The following C1QTNF7 variants were observed in gnomAD, a reference collection of about 807,000 sequenced individuals.
C1QTNF7 encodes the protein complement C1q tumor necrosis factor-related protein 7.
C1QTNF7 carries 15 observed loss-of-function variants against 19.6 expected under a neutral mutation model. The ratio of observed to expected loss-of-function variants is 0.76; its 90% confidence interval spans 0.51 to 1.18. The LOEUF (loss-of-function observed/expected upper bound fraction) is 1.18, where lower values mean the gene tolerates loss of function less well. C1QTNF7 is among the 50% of genes most tolerant of loss of function. The pLI is 0.00. For synonymous variants in C1QTNF7, 142 were observed against 137.5 expected (o/e 1.03, Z -0.23); for missense variants, 324 against 359.7 (o/e 0.90, Z 0.80).
At chr4:15,412,279 A>G (rs966505917) in intron 1 of C1QTNF7, among the ~76,000 whole-genome samples, 5 of 152,200 alleles carry the variant, frequency 3.3e-5, no homozygotes, top group African/African-American at 9.7e-5. Context: ...AAAGTGCACA[A>G]TAAATGTAAT....
intron 1 of C1QTNF7, among the ~76,000 whole-genome samples, chr4:15,410,673 A>G (rs996844424): frequency 2.0e-5 from 3 of 152,202 alleles, no homozygotes; most frequent in Non-Finnish European, 4.4e-5. Context: ...GATTCACACA[A>G]TTGGCTAGCC....
chr4:15,436,802 G>T (rs1395676270), intron 2 of C1QTNF7, among the ~76,000 whole-genome samples: 1 of 152,188 alleles, frequency 6.6e-6, no homozygotes, highest in East Asian at 1.9e-4. Context: ...AAGACAAGTT[G>T]CTGAGCATAA....
At chr4:15,349,049 C>G (rs1364799537) in intron 1 of C1QTNF7, among the ~76,000 whole-genome samples, 1 of 152,174 alleles carries the variant, frequency 6.6e-6, no homozygotes, top group Non-Finnish European at 1.5e-5. Context: ...CAAAGCCCAC[C>G]ATCGGTTAGA....
rs760065898 is a variant in C1QTNF7, at chr4:15,435,879, C to G, written c.136C>G (p.Pro46Ala). 1.2e-5 allele frequency: 20 copies of G among 1,613,990 alleles called. No homozygotes were observed. The highest frequency in any genetic ancestry group is 1.6e-5 in the Non-Finnish European group (19 of 1,180,036). ...IPGLPGPPGPPGANGSPGPHG... is the reference protein window; with the variant it reads ...IPGLPGPPGPAGANGSPGPHG... ...TGGCTTGCCTGGACCTCCAGGGCCC[C>G]CTGGAGCAAATGGTTCCCCTGGGCC... The change falls in exon 2 of 3, where the codon CCT becomes GCT. Residue 46 changes from proline to alanine, a missense_variant. By Grantham distance (27) the Pro-to-Ala change is conservative. Coordinates refer to ENST00000444304, the MANE Select transcript of C1QTNF7 (RefSeq NM_031911.5).
At chr4:15,355,631 G>A (rs1166496169) in intron 1 of C1QTNF7, among the ~76,000 whole-genome samples, 1 of 151,984 alleles carries the variant, frequency 6.6e-6, no homozygotes, top group Non-Finnish European at 1.5e-5. Context: ...TTAAAGGGAT[G>A]GTAGGAGTTA....
intron 1 of C1QTNF7, among the ~76,000 whole-genome samples, chr4:15,429,236 A>T (rs1357812328): frequency 6.6e-6 from 1 of 152,198 alleles, no homozygotes; most frequent in Non-Finnish European, 1.5e-5. Context: ...AAATATACAT[A>T]TCATAAAATT....
chr4:15,400,805 G>C (rs915021763), intron 1 of C1QTNF7, among the ~76,000 whole-genome samples: 3 of 152,172 alleles, frequency 2.0e-5, no homozygotes, highest in African/African-American at 7.2e-5. Context: ...AAATACAAAA[G>C]CCTTTATGTT....
intron 1 of C1QTNF7, among the ~76,000 whole-genome samples, chr4:15,407,251 A>C (rs946729468): frequency 2.0e-5 from 3 of 152,212 alleles, no homozygotes; most frequent in African/African-American, 7.2e-5. Context: ...CTATGGACCT[A>C]GGAAATAGCC....
upstream of C1QTNF7, chr4:15,339,935 T>C (rs111510213): frequency 2.6e-4 from 150 of 578,156 alleles, 2 homozygotes; most frequent in African/African-American, 2.2e-3. Context: ...GGCAAGTCCC[T>C]GGGAGAAGGA....
At chr4:15,345,440 C>T (rs1716683944) in intron 1 of C1QTNF7, among the ~76,000 whole-genome samples, 2 of 152,186 alleles carry the variant, frequency 1.3e-5, no homozygotes, top group Non-Finnish European at 2.9e-5. Flanking sequence ...TGCACCGACC[C>T]CCAGTCTTTC....
chr4:15,401,858 C>A (rs1385270736), intron 1 of C1QTNF7, among the ~76,000 whole-genome samples: 1 of 151,792 alleles, frequency 6.6e-6, no homozygotes, highest in Non-Finnish European at 1.5e-5. Flanking sequence ...AGATACCACA[C>A]GAAATGAGAA....
chr4:15,392,215 C>T (rs1201694145), intron 1 of C1QTNF7, among the ~76,000 whole-genome samples: 2 of 152,134 alleles, frequency 1.3e-5, no homozygotes, highest in East Asian at 1.9e-4. Context: ...ATCCAGGTAT[C>T]GAGAAAAGAG....
At chr4:15,425,449 T>C (rs1308658956), upstream of C1QTNF7, among the ~76,000 whole-genome samples, 3 of 152,114 alleles carry the variant, frequency 2.0e-5, no homozygotes, top group African/African-American at 7.2e-5. Flanking sequence ...ACATGGTTGG[T>C]AATGGCTTGC....
At chr4:15,340,973 G>A (rs904117205) in intron 1 of C1QTNF7, among the ~76,000 whole-genome samples, 2 of 152,138 alleles carry the variant, frequency 1.3e-5, no homozygotes, top group East Asian at 3.9e-4. Context: ...TGAGGTGGAG[G>A]GGCATATAAA....
At chr4:15,429,461 A>G (rs1054014428) in intron 1 of C1QTNF7, among the ~76,000 whole-genome samples, 3 of 152,204 alleles carry the variant, frequency 2.0e-5, no homozygotes, top group Non-Finnish European at 4.4e-5. Flanking sequence ...TACTCTAGGA[A>G]CTTTGTGTAA....
rs141621236 is a variant in C1QTNF7 at position 15,388,732 on chromosome 4, A to G, written c.14-47004A>G. ...AACTGTGAGACCAGGATATGTGATG[A>G]GTCTTCCAAGTAGACACTGAAATCA... On this transcript the variant is annotated intron_variant, in intron 1 of 2. Transcript: ENST00000295297. 5.7e-3 allele frequency among the ~76,000 whole-genome samples: 870 copies of G among 152,344 alleles called. 5 individuals carry two copies. Among genetic ancestry groups the G allele is most frequent in the African/African-American group, 0.02 (834 of 41,576 alleles).
In C1QTNF7 at chr4:15,444,156, T is replaced by C. The variant is rs1271135966; in HGVS notation, c.*1357T>C. 1 of 152,192 alleles carries C rather than the reference T, an allele frequency of 6.6e-6. No individual in the cohort carries two copies. Among genetic ancestry groups the C allele is most frequent in the Non-Finnish European group, 1.5e-5 (1 of 68,028 alleles). The allele number at this position is 152,192 out of a possible 1,614,324, so 9.4% of individuals were successfully genotyped here. ...CCTTTTGGTAACTTCCAATCCTCCT[T>C]CTATGTATTCCTTTCTCTGCTCATT... On this transcript the variant is annotated 3_prime_UTR_variant, in exon 3 of 3. Transcript: ENST00000444304.
upstream of C1QTNF7, among the ~76,000 whole-genome samples, chr4:15,424,583 C>T (rs1465069430): frequency 6.6e-6 from 1 of 152,140 alleles, no homozygotes; most frequent in Non-Finnish European, 1.5e-5. Context: ...TCAGGAAGTC[C>T]CATCACGATG....
intron 2 of C1QTNF7, among the ~76,000 whole-genome samples, chr4:15,440,698 A>G (rs1347857776): frequency 2.0e-5 from 3 of 151,896 alleles, no homozygotes; most frequent in Non-Finnish European, 2.9e-5. Context: ...GAGTCACTGC[A>G]CCCAGCCCAG....
Sources: allele counts gnomAD v4.1 joint callset (sites outside exome capture counted in the v4.1 genomes callset), GRCh38; gene constraint gnomAD v4.1.1; transcripts MANE v1.5; gene names NCBI Gene and HGNC (gene_info 2026-07-23, HGNC 2026-07-21).